The following RCL1 variants were observed in gnomAD, a reference collection of about 807,000 sequenced individuals.
RCL1 encodes RNA 3'-terminal phosphate cyclase-like protein.
RCL1 carries 24 observed loss-of-function variants against 42.4 expected under a neutral mutation model. The ratio of observed to expected loss-of-function variants is 0.57; its 90% CI spans 0.41 to 0.80. RCL1 has a LOEUF of 0.80. Among genes scored for constraint, RCL1 ranks in the 30% least tolerant of loss-of-function variants. The pLI is 0.00. For missense variants in RCL1, 578 were observed against 467.9 expected (o/e 1.24, Z -2.17); for synonymous variants, 228 against 177.3 (o/e 1.29, Z -2.27).
In RCL1 at chr9:4,839,722, T is replaced by G. The variant is rs573418575; in HGVS notation, c.585-1510T>G. 1.4e-5 allele frequency: 14 copies of G among 983,930 alleles called. No individual in the cohort carries two copies. The African/African-American group carries it at 1.9e-4, about 13-fold the overall frequency. The allele number at this position is 983,930 out of a possible 1,614,324, so 60.9% of individuals were successfully genotyped here. A position where few individuals can be genotyped will look rare whatever the true frequency, so the allele number is the denominator to read the frequency against. On this transcript the variant is annotated intron_variant, in intron 5 of 8. Coordinates refer to ENST00000381750, the MANE Select transcript of RCL1 (RefSeq NM_005772.5). ...TGTCCTTTGAGTCAAGTTAAATATT[T>G]ATTGAGCATTTCTGAGTACAAAAGT...
At chr9:4,812,469 G>T (rs1436591932) in intron 1 of RCL1, among the ~76,000 whole-genome samples, 1 of 151,808 alleles carries the variant, frequency 6.6e-6, no homozygotes, top group African/African-American at 2.4e-5. Context: ...TCACTATATT[G>T]TGCAGGTTGG....
At chr9:4,805,422 G>GGGGAAC (rs955976944) in intron 1 of RCL1, among the ~76,000 whole-genome samples, 2 of 151,802 alleles carry the variant, frequency 1.3e-5, no homozygotes, top group African/African-American at 4.8e-5. Context: ...GGAAGGGGAA[G>GGGGAAC]GCCAAAACCA....
At chr9:4,848,986 C>T (rs1237073717) in intron 7 of RCL1, among the ~76,000 whole-genome samples, 1 of 152,050 alleles carries the variant, frequency 6.6e-6, no homozygotes, top group Admixed American at 6.6e-5. Flanking sequence ...CATGAAAAGG[C>T]CGTTTCATGT....
intron 3 of RCL1, among the ~76,000 whole-genome samples, chr9:4,829,719 G>C (rs1023408087): frequency 1.3e-5 from 2 of 152,118 alleles, no homozygotes; most frequent in African/African-American, 4.8e-5. Context: ...CGGTGGTGGT[G>C]GTTGTTGGTA....
chr9:4,813,334 T>C (rs1816247931), intron 1 of RCL1, among the ~76,000 whole-genome samples: 1 of 151,924 alleles, frequency 6.6e-6, no homozygotes, highest in Non-Finnish European at 1.5e-5. Context: ...TTAAACAAAT[T>C]TACAAGAAAA....
At chr9:4,856,407 T>C (rs1817964349) in intron 8 of RCL1, among the ~76,000 whole-genome samples, 1 of 152,204 alleles carries the variant, frequency 6.6e-6, no homozygotes, top group Non-Finnish European at 1.5e-5. Context: ...TTACAGTGCC[T>C]TGTTTGAATA....
At chr9:4,846,816 A>G (rs963440070) in intron 7 of RCL1, among the ~76,000 whole-genome samples, 1 of 152,222 alleles carries the variant, frequency 6.6e-6, no homozygotes, top group Non-Finnish European at 1.5e-5. Flanking sequence ...ATAGCAGGCT[A>G]TAAGCCTCAG....
intron 5 of RCL1, among the ~76,000 whole-genome samples, chr9:4,838,146 G>A (rs900322764): frequency 4.6e-5 from 7 of 152,190 alleles, no homozygotes; most frequent in Non-Finnish European, 1.0e-4. Flanking sequence ...ACTGGACTAA[G>A]CTTGGAGGTT....
intron 8 of RCL1, among the ~76,000 whole-genome samples, chr9:4,857,370 C>T (rs1455620730): frequency 6.6e-6 from 1 of 151,890 alleles, no homozygotes; most frequent in Non-Finnish European, 1.5e-5. Flanking sequence ...CTATCTGGTC[C>T]TTTGTGACTG....
intron 8 of RCL1, among the ~76,000 whole-genome samples, chr9:4,856,036 A>G (rs1817949349): frequency 6.6e-6 from 1 of 152,170 alleles, no homozygotes; most frequent in Admixed American, 6.5e-5. Context: ...GGAGCAGAGC[A>G]TGCCCCAGGC....
intron 1 of RCL1, among the ~76,000 whole-genome samples, chr9:4,802,074 ATTT>A (rs34756856): frequency 0.085 from 8,185 of 95,956 alleles, 481 homozygotes; most frequent in African/African-American, 0.2. Context: ...ACGCCTGGCT[ATTT>A]TTTTTTTTTT....
intron 8 of RCL1, among the ~76,000 whole-genome samples, chr9:4,853,855 A>G (rs1485766454): frequency 6.6e-6 from 1 of 152,026 alleles, no homozygotes; most frequent in African/African-American, 2.4e-5. Context: ...CTGAGGAGCT[A>G]GAGGACACTG....
intron 1 of RCL1, among the ~76,000 whole-genome samples, chr9:4,815,667 T>C (rs796566130): frequency 6.6e-6 from 1 of 152,050 alleles, no homozygotes; most frequent in African/African-American, 2.4e-5. Context: ...TGCTTGCTCC[T>C]GGAGCAAGAC....
At chr9:4,813,231 C>T (rs1219785485) in intron 1 of RCL1, among the ~76,000 whole-genome samples, 3 of 152,080 alleles carry the variant, frequency 2.0e-5, no homozygotes, top group East Asian at 1.9e-4. Flanking sequence ...AAAGAAACTA[C>T]CATCAGAGTG....
intron 1 of RCL1, among the ~76,000 whole-genome samples, chr9:4,818,290 CT>C (rs1204449905): frequency 6.6e-6 from 1 of 151,966 alleles, no homozygotes; most frequent in Non-Finnish European, 1.5e-5. Flanking sequence ...TGAAATTTTT[CT>C]TTCTATACAA....
intron 3 of RCL1, among the ~76,000 whole-genome samples, chr9:4,828,501 C>G (rs1423955871): frequency 6.7e-6 from 1 of 150,272 alleles, no homozygotes; most frequent in Admixed American, 6.6e-5. Context: ...AATTCTTAAG[C>G]TGTAAAGGAA....
At chr9:4,799,773 C>T (rs1165760581) in intron 1 of RCL1, among the ~76,000 whole-genome samples, 1 of 152,148 alleles carries the variant, frequency 6.6e-6, no homozygotes, top group Non-Finnish European at 1.5e-5. Flanking sequence ...TTTTTTGTCA[C>T]TACCTCCCTG....
At chr9:4,807,206 T>A (rs185958484) in intron 1 of RCL1, among the ~76,000 whole-genome samples, 397 of 152,358 alleles carry the variant, frequency 2.6e-3, no homozygotes, top group African/African-American at 9.1e-3. Context: ...TTGATCTCTT[T>A]AAAGACCCGG....
intron 3 of RCL1, chr9:4,827,242 A>T: frequency 6.7e-7 from 1 of 1,488,312 alleles, no homozygotes; most frequent in Non-Finnish European, 8.9e-7. Flanking sequence ...GTTAACAGTT[A>T]CCAAGGTGCC....
Sources: gnomAD v4.1 joint callset for allele counts (sites outside exome capture counted in the v4.1 genomes callset) on GRCh38, gnomAD v4.1.1 for gene constraint, MANE v1.5 for transcripts, NCBI Gene and HGNC (gene_info 2026-07-23, HGNC 2026-07-21) for gene names.